Variants in UNC13C observed in about 807,000 individuals in gnomAD.
UNC13C encodes the protein protein unc-13 homolog C.
In UNC13C, 174 loss-of-function variants were observed where a neutral mutation model predicts 245.4. That is an observed-to-expected ratio of 0.71 (90% CI 0.63 to 0.80). UNC13C has a LOEUF of 0.80. UNC13C is among the 30% of genes least tolerant of loss of function. The pLI, the probability that UNC13C is intolerant of heterozygous loss-of-function variation, is 0.00. For synonymous variants in UNC13C, 992 were observed against 895.1 expected, an observed-to-expected ratio of 1.11 and a Z score of -1.93; for missense variants, 2,829 against 2,602.9, an observed-to-expected ratio of 1.09 and a Z score of -1.89.
intron 2 of UNC13C, among the ~76,000 whole-genome samples, chr15:54,142,713 A>G (rs957551784): frequency 1.3e-5 from 2 of 152,166 alleles, no homozygotes; most frequent in African/African-American, 4.8e-5. Context: ...AGTAAGTGGC[A>G]GAGCCTCAGC....
At chr15:54,482,793 A>G (rs750780378) in intron 19 of UNC13C, among the ~76,000 whole-genome samples, 1 of 152,152 alleles carries the variant, frequency 6.6e-6, no homozygotes, top group Non-Finnish European at 1.5e-5. Context: ...AAAGCAGTGT[A>G]TATTTTACTT....
chr15:53,935,034 T>G, the UNC13C span, among the ~76,000 whole-genome samples: 2 of 152,330 alleles, frequency 1.3e-5, no homozygotes, highest in Non-Finnish European at 1.5e-5. Flanking sequence ...GGAGCCAGGA[T>G]GCAGAGATGA....
chr15:53,996,800 T>C (rs1894654416), intron 1 of UNC13C, among the ~76,000 whole-genome samples: 1 of 151,224 alleles, frequency 6.6e-6, no homozygotes, highest in Non-Finnish European at 1.5e-5. Flanking sequence ...TATTCAAATA[T>C]ACCATAATTT....
intron 2 of UNC13C, among the ~76,000 whole-genome samples, chr15:54,080,787 CTTTG>C (rs1898900456): frequency 6.6e-6 from 1 of 151,700 alleles, no homozygotes; most frequent in African/African-American, 2.4e-5. Flanking sequence ...TTTGTTGATC[CTTTG>C]TTTGTTTTTT....
rs1480480436 is a variant in UNC13C at position 54,013,189 on chromosome 15, G to A, written c.286G>A (p.Val96Ile). Reference protein sequence around the residue: ...FSLSPTFSYRVAIANGLQKNA... With the variant: ...FSLSPTFSYRIAIANGLQKNA... ...CCTCTCACCAACATTCAGTTACCGA[G>A]TAGCTATTGCCAATGGCCTACAAAA... is the stretch of plus-strand genomic sequence containing the variant. The change falls in exon 2 of 33, where the codon GTA becomes ATA. Residue 96 changes from valine to isoleucine, a missense_variant. By Grantham distance (29) the Val-to-Ile change is conservative. Transcript: ENST00000260323. The A allele has an allele frequency of 6.2e-7, 1 of 1,613,848 alleles. No homozygotes were observed. Among genetic ancestry groups the A allele is most frequent in the East Asian group, 2.2e-5 (1 of 44,870 alleles).
At chr15:54,460,995 T>C (rs1481082380) in intron 19 of UNC13C, among the ~76,000 whole-genome samples, 1 of 152,188 alleles carries the variant, frequency 6.6e-6, no homozygotes, top group Admixed American at 6.5e-5. Context: ...TTTATGTTTG[T>C]TGACTAATTT....
intron 7 of UNC13C, among the ~76,000 whole-genome samples, chr15:54,247,871 C>T (rs560350071): frequency 1.7e-4 from 26 of 152,048 alleles, no homozygotes; most frequent in African/African-American, 6.0e-4. Flanking sequence ...ATCTGCTCAG[C>T]TGTTTATTCA....
chr15:54,149,916 T>C (rs2032442299), intron 4 of UNC13C, among the ~76,000 whole-genome samples: 1 of 152,234 alleles, frequency 6.6e-6, no homozygotes, highest in Admixed American at 6.5e-5. Flanking sequence ...ATTTAAAGTA[T>C]ATGGGATGAC....
intron 30 of UNC13C, among the ~76,000 whole-genome samples, chr15:54,572,292 C>T (rs543857940): frequency 3.1e-4 from 47 of 151,962 alleles, no homozygotes; most frequent in African/African-American, 1.1e-3. Context: ...TTTAGAAATA[C>T]AGAACTAATT....
intron 19 of UNC13C, among the ~76,000 whole-genome samples, chr15:54,479,420 T>C (rs1892976298): frequency 6.6e-6 from 1 of 152,168 alleles, no homozygotes; most frequent in Non-Finnish European, 1.5e-5. Flanking sequence ...TCCATTTTTG[T>C]GGAATAATTT....
intron 28 of UNC13C, among the ~76,000 whole-genome samples, chr15:54,552,905 A>C (rs1193943254): frequency 1.5e-4 from 1 of 6,818 alleles, no homozygotes; most frequent in Non-Finnish European, 2.6e-4. Context: ...ATATATATTA[A>C]TATATAATAT....
chr15:54,210,225 G>T (rs2034836897), intron 4 of UNC13C, among the ~76,000 whole-genome samples: 1 of 117,744 alleles, frequency 8.5e-6, no homozygotes, highest in Non-Finnish European at 1.7e-5. Flanking sequence ...TATATATATA[G>T]TTAACTGCAT....
intron 2 of UNC13C, among the ~76,000 whole-genome samples, chr15:54,088,393 T>C (rs1899370651): frequency 6.6e-6 from 1 of 152,102 alleles, no homozygotes; most frequent in Admixed American, 6.5e-5. Flanking sequence ...ACATGCTATT[T>C]GGACCATGAA....
At chr15:54,589,596 C>T (rs1800462623) in intron 30 of UNC13C, among the ~76,000 whole-genome samples, 2 of 152,102 alleles carry the variant, frequency 1.3e-5, no homozygotes, top group Admixed American at 6.5e-5. Context: ...CGCGCCCAGC[C>T]AGCCATTTGT....
At chr15:54,147,705 G>GGTGTGTGTGTGTGTGT (rs10630632) in intron 4 of UNC13C, among the ~76,000 whole-genome samples, 1 of 149,804 alleles carries the variant, frequency 6.7e-6, no homozygotes, top group Non-Finnish European at 1.5e-5. Context: ...CATCACAAGG[G>GGTGTGTGTGTGTGTGT]GTGTGTGTGT....
chr15:54,150,373 A>T (rs576761699), intron 4 of UNC13C, among the ~76,000 whole-genome samples: 3 of 152,364 alleles, frequency 2.0e-5, no homozygotes, highest in Admixed American at 1.3e-4. Flanking sequence ...GACTTCAGGG[A>T]GTACGCCTAA....
chr15:53,895,004 T>A, the UNC13C span, among the ~76,000 whole-genome samples: 4 of 152,060 alleles, frequency 2.6e-5, no homozygotes, highest in Non-Finnish European at 5.9e-5. Context: ...TAGATAAATA[T>A]GTAATTATCT....
At chr15:54,474,787 G>A (rs1349965965) in intron 19 of UNC13C, among the ~76,000 whole-genome samples, 1 of 151,918 alleles carries the variant, frequency 6.6e-6, no homozygotes, top group Non-Finnish European at 1.5e-5. Context: ...GGCTGTACAA[G>A]AAGCATGGTG....
intron 18 of UNC13C, among the ~76,000 whole-genome samples, chr15:54,413,717 G>C (rs1390327912): frequency 2.6e-5 from 4 of 152,148 alleles, no homozygotes; most frequent in African/African-American, 9.7e-5. Context: ...ATATGGACTA[G>C]AGTAGTTCTG....
Sources: gnomAD v4.1 joint callset for allele counts (sites outside exome capture counted in the v4.1 genomes callset) on GRCh38, gnomAD v4.1.1 for gene constraint, MANE v1.5 for transcripts, NCBI Gene and HGNC (gene_info 2026-07-23, HGNC 2026-07-21) for gene names.